EIF4G3: variants seen among roughly 807,000 people sequenced by gnomAD.
EIF4G3 encodes eukaryotic translation initiation factor 4 gamma 3.
Under a neutral mutation model 186.4 loss-of-function variants are expected in EIF4G3, and 34 were observed. The ratio of observed to expected loss-of-function variants is 0.18; its 90% confidence interval spans 0.14 to 0.24. The LOEUF is 0.24. Ranked by LOEUF, EIF4G3 falls within the 10% of genes least tolerant of loss-of-function variation. The pLI is 1.00. For missense variants in EIF4G3, 1,536 were observed against 1,948.5 expected, an observed-to-expected ratio of 0.79 and a Z score of 3.99; for synonymous variants, 673 against 679.5, an observed-to-expected ratio of 0.99 and a Z score of 0.15.
chr1:21,083,928 G>C (rs1310685160), intron 3 of EIF4G3, among the ~76,000 whole-genome samples: 3 of 152,004 alleles, frequency 2.0e-5, no homozygotes, highest in Non-Finnish European at 4.4e-5. Flanking sequence ...CCCAAACCAA[G>C]ATCTACGACA....
intron 12 of EIF4G3, among the ~76,000 whole-genome samples, chr1:20,954,460 C>T (rs934560345): frequency 2.4e-5 from 3 of 126,532 alleles, no homozygotes; most frequent in South Asian, 2.7e-4. Context: ...TGCTTGAACT[C>T]GGGGGGTGGA....
intron 14 of EIF4G3, among the ~76,000 whole-genome samples, chr1:20,913,113 A>AT (rs2093440535): frequency 6.6e-6 from 1 of 152,222 alleles, no homozygotes; most frequent in South Asian, 2.1e-4. Flanking sequence ...TTTGAAATGT[A>AT]TGTTGACTTG....
At chr1:21,107,766 C>T (rs895969740) in intron 2 of EIF4G3, among the ~76,000 whole-genome samples, 1 of 152,128 alleles carries the variant, frequency 6.6e-6, no homozygotes, top group Non-Finnish European at 1.5e-5. Flanking sequence ...GCAGCCTCAA[C>T]TGCCCCGACT....
At chr1:20,981,493 C>T (rs11802179) in intron 8 of EIF4G3, among the ~76,000 whole-genome samples, 15,288 of 76,938 alleles carry the variant, frequency 0.2, 1,144 homozygotes, top group African/African-American at 0.25. Context: ...TGCATACATA[C>T]ATGTATACGC....
At chr1:21,003,398 A>T (rs991355181) in intron 4 of EIF4G3, among the ~76,000 whole-genome samples, 6 of 152,260 alleles carry the variant, frequency 3.9e-5, no homozygotes, top group African/African-American at 1.4e-4. Flanking sequence ...ACTACAGGCA[A>T]GAGCTTCTTT....
chr1:21,161,140 C>A (rs1249353537), intron 2 of EIF4G3, among the ~76,000 whole-genome samples: 1 of 152,068 alleles, frequency 6.6e-6, no homozygotes, highest in Non-Finnish European at 1.5e-5. Context: ...CACTGCACTC[C>A]AGCTTGGGCA....
intron 2 of EIF4G3, among the ~76,000 whole-genome samples, chr1:21,125,675 T>C (rs1269595212): frequency 6.6e-6 from 1 of 151,700 alleles, no homozygotes; most frequent in African/African-American, 2.4e-5. Flanking sequence ...GCCGAGATTG[T>C]GCCATTGCAC....
chr1:20,967,718 C>T (rs896012877), intron 12 of EIF4G3, among the ~76,000 whole-genome samples: 9 of 152,124 alleles, frequency 5.9e-5, no homozygotes, highest in African/African-American at 2.2e-4. Context: ...ACTCAGCCAG[C>T]TGTTTGTGAT....
Position 20,941,746 on chromosome 1 carries a change from A to C in EIF4G3, c.1408T>G (p.Phe470Val). 1 of 1,610,364 alleles carries C rather than the reference A, an allele frequency of 6.2e-7. No homozygotes were observed. Among genetic ancestry groups the C allele is most frequent in the Non-Finnish European group, 8.5e-7 (1 of 1,178,234 alleles). Residue 470 changes from phenylalanine (F) to valine (V), a missense_variant, in exon 14 of 37, where the codon TTT becomes GTT. By Grantham distance (50) the Phe-to-Val change is conservative. This residue lies in a region of EIF4G3 where 560 missense variants were observed against 547.8 expected (regional missense o/e 1.02). Transcript: ENST00000602326. ...GGAGGAGTTGGAGGAGTTGGAGGAA[A>C]GGAAGGAACTGTGGAAGGGGTGATG... ...APITPSTVPS[F>V]PPTPPTPPAS...
intron 3 of EIF4G3, among the ~76,000 whole-genome samples, chr1:21,051,436 C>T (rs1172354723): frequency 1.3e-5 from 2 of 152,102 alleles, no homozygotes; most frequent in Admixed American, 6.5e-5. Context: ...AATGTCTCTG[C>T]TTGTCAAGAC....
At chr1:21,155,766 A>G (rs2102870571) in intron 2 of EIF4G3, among the ~76,000 whole-genome samples, 1 of 152,334 alleles carries the variant, frequency 6.6e-6, no homozygotes, top group South Asian at 2.1e-4. Context: ...AAAATAAGCA[A>G]AAGTATAAAC....
At chr1:20,851,523 G>T in intron 27 of EIF4G3, 45 bp from the exon 28 acceptor site, 1 of 1,565,062 alleles carries the variant, frequency 6.4e-7, no homozygotes, top group East Asian at 2.2e-5. Context: ...ACAAGCCCAT[G>T]TCCCCCACAT....
intron 2 of EIF4G3, among the ~76,000 whole-genome samples, chr1:21,159,621 T>C (rs2097724986): frequency 6.6e-6 from 1 of 151,810 alleles, no homozygotes; most frequent in Non-Finnish European, 1.5e-5. Flanking sequence ...ACGCCTGTAA[T>C]TCCAACTGCT....
intron 2 of EIF4G3, among the ~76,000 whole-genome samples, chr1:21,150,335 C>A (rs2097529980): frequency 2.0e-5 from 3 of 152,016 alleles, no homozygotes; most frequent in Admixed American, 2.0e-4. Flanking sequence ...CAATAATATG[C>A]CATGTCATTT....
intron 29 of EIF4G3, chr1:20,848,059 G>C (rs898525679): frequency 3.1e-6 from 1 of 323,532 alleles, no homozygotes; most frequent in Non-Finnish European, 6.0e-6. Context: ...TCTGCCTCCC[G>C]GGCTTCAAGT....
At chr1:21,012,930 G>A (rs941585745) in intron 4 of EIF4G3, among the ~76,000 whole-genome samples, 25 of 152,066 alleles carry the variant, frequency 1.6e-4, no homozygotes, top group Admixed American at 1.6e-3. Flanking sequence ...ACCCGCCTCC[G>A]AACACACATT....
chr1:21,110,132 T>C lies in EIF4G3; in HGVS notation c.-271-20919A>G, dbSNP rs943723661. On this transcript the variant is annotated intron_variant, in intron 2 of 36. Transcript: ENST00000602326. ...ACTTTAAAGTAAAGTGAAATATAAA[T>C]GTGCACAATCATAAGGATAACTTCT... 5.3e-4 allele frequency among the ~76,000 whole-genome samples: 81 copies of C among 152,236 alleles called. 1 individual carries two copies. The highest frequency in any genetic ancestry group is 1.7e-3 in the African/African-American group (72 of 41,556).
intron 3 of EIF4G3, among the ~76,000 whole-genome samples, chr1:21,057,598 ATT>A (rs200157947): frequency 6.7e-6 from 1 of 149,938 alleles, no homozygotes; most frequent in Non-Finnish European, 1.5e-5. Flanking sequence ...CTGGTTTAAA[ATT>A]TTTTTTTTGC....
intron 3 of EIF4G3, among the ~76,000 whole-genome samples, chr1:21,074,371 G>T (rs1444264081): frequency 2.0e-5 from 3 of 151,974 alleles, no homozygotes; most frequent in Non-Finnish European, 2.9e-5. Context: ...ACTGACTTAG[G>T]TATTTCCAAA....
Sources: gnomAD v4.1 joint callset for allele counts (sites outside exome capture counted in the v4.1 genomes callset) on GRCh38, gnomAD v4.1.1 for gene constraint, gnomAD v4.1.1 regional missense constraint, MANE v1.5 for transcripts, NCBI Gene and HGNC (gene_info 2026-07-23, HGNC 2026-07-21) for gene names.